The following MYLK2 variants were observed in gnomAD, a reference collection of about 807,000 sequenced individuals.
MYLK2 encodes the protein myosin light chain kinase 2, also known as myosin light chain kinase 2, skeletal/cardiac muscle.
MYLK2 carries 27 observed loss-of-function variants against 58.2 expected under a neutral mutation model. That is an observed-to-expected ratio of 0.46 (90% CI 0.34 to 0.64). The LOEUF (loss-of-function observed/expected upper bound fraction) is 0.64. MYLK2 is among the 30% of genes least tolerant of loss of function. MYLK2 has a pLI of 0.01. For synonymous variants in MYLK2, 310 were observed against 296.7 expected (o/e 1.04, Z -0.46); for missense variants, 676 against 764.3 (o/e 0.88, Z 1.36).
At chr20:31,828,341 C>T (rs918410046) in intron 8 of MYLK2, 25 of 985,158 alleles carry the variant, frequency 2.5e-5, no homozygotes, top group Non-Finnish European at 2.9e-5. Context: ...CGTTAAGTGG[C>T]GGGACATGGA....
Position 31,821,611 on chromosome 20 carries a change from G to A in MYLK2, c.646G>A (p.Gly216Ser), listed in dbSNP as rs2062252546. The change falls in exon 4 of 13, where the codon GGC (glycine) becomes AGC (serine). Residue 216 changes from glycine to serine, a missense_variant. Physicochemically the swap from Gly to Ser is moderately conservative, Grantham distance 56. Transcript: ENST00000375985. ...EVGEKTPGQA[G>S]QAKMQGDTSR... ...GGGAGAGAAAACCCCAGGCCAGGCT[G>A]GCCAGGCTAAGATGCAAGGGGACAC... 1 of 1,614,126 alleles carries A rather than the reference G, an allele frequency of 6.2e-7. No homozygotes were observed. Among genetic ancestry groups the A allele is most frequent in the Non-Finnish European group, 8.5e-7 (1 of 1,180,046 alleles).
At chr20:31,822,620 G>A (rs1001400082) in intron 4 of MYLK2, among the ~76,000 whole-genome samples, 4 of 152,104 alleles carry the variant, frequency 2.6e-5, no homozygotes, top group Non-Finnish European at 1.5e-5. Flanking sequence ...GGTGGGGTGA[G>A]ATGGGGTCAG....
At chr20:31,821,850 T>C (rs1171461209) in intron 4 of MYLK2, 113 bp downstream of exon 4, 3 of 979,956 alleles carry the variant, frequency 3.1e-6, no homozygotes, top group Non-Finnish European at 4.5e-6. Flanking sequence ...AGCCAAGCCT[T>C]ACCCAGGCCC....
chr20:31,819,818 C>T (rs556985947), intron 2 of MYLK2, among the ~76,000 whole-genome samples, 186 bp downstream of exon 2: 6 of 152,174 alleles, frequency 3.9e-5, no homozygotes, highest in African/African-American at 1.4e-4. Flanking sequence ...TGAAGCCCTT[C>T]CTGGAGAGAC....
chr20:31,827,560 C>T lies in MYLK2; in HGVS notation c.1224+622C>T, dbSNP rs556121671. 3 of 984,672 alleles carry T rather than the reference C, an allele frequency of 3.0e-6. No homozygotes were observed. In the Admixed American group the frequency reaches 1.8e-4, roughly 61 times the overall value. 61.0% of individuals were successfully genotyped at this position (984,672 alleles called of 1,614,324 possible). A position where few individuals can be genotyped will look rare whatever the true frequency, so the allele number is the denominator to read the frequency against. On this transcript the variant is annotated intron_variant, in intron 8 of 12. Coordinates refer to ENST00000375985, the MANE Select transcript of MYLK2 (RefSeq NM_033118.4). ...TTGAGATAGAGTCTCACTCTGTTGC[C>T]CAGGCTGGAGTGCAGTGGCGCTATC...
In MYLK2 at chr20:31,820,413, G is replaced by A. The variant is rs727503303; in HGVS notation, c.340G>A (p.Glu114Lys). 1.5e-5 allele frequency: 24 copies of A among 1,612,900 alleles called. 1 individual carries two copies. The African/African-American group carries it at 2.1e-4, about 14-fold the overall frequency. ...PETSVKKPKA[E>K]QGASGSQDPG... ...GACCAGCGTCAAGAAGCCCAAGGCTGAGCAGGGAGCCTCAGGCAGCCAGGA... is the reference window on the plus strand; with the variant it reads ...GACCAGCGTCAAGAAGCCCAAGGCTAAGCAGGGAGCCTCAGGCAGCCAGGA... Residue 114 changes from glutamate (E) to lysine (K), a missense_variant, in exon 3 of 13, where the codon GAG (glutamate) becomes AAG (lysine). Coordinates refer to ENST00000375985, the MANE Select transcript of MYLK2 (RefSeq NM_033118.4).
At chr20:31,821,100 C>CA (rs112516875) in intron 3 of MYLK2, among the ~76,000 whole-genome samples, 13,364 of 152,198 alleles carry the variant, frequency 0.088, 664 homozygotes, top group African/African-American at 0.14. Flanking sequence ...TTGTAAGCCA[C>CA]AATAAGAACA....
chr20:31,823,621 G>T, intron 5 of MYLK2, 39 bp downstream of exon 5: 1 of 1,582,806 alleles, frequency 6.3e-7, no homozygotes, highest in South Asian at 1.1e-5. Flanking sequence ...CATGGACAGA[G>T]AGTACACCGG....
In MYLK2 at chr20:31,819,469, C is replaced by T. The variant is rs956858345; in HGVS notation, c.-49+41C>T. The T allele has an allele frequency of 9.1e-6, 13 of 1,424,402 alleles. 1 individual carries two copies. In the South Asian group the frequency reaches 1.6e-4, roughly 18 times the overall value. The allele number at this position is 1,424,402 out of a possible 1,614,324, so 88.2% of individuals were successfully genotyped here. A position where few individuals can be genotyped will look rare whatever the true frequency, so the allele number is the denominator to read the frequency against. On this transcript the variant is annotated intron_variant, in intron 1 of 12. Coordinates refer to ENST00000375985, the MANE Select transcript of MYLK2 (RefSeq NM_033118.4). ...CAGTTAGCAGGCCTCGGCTTCCTGT[C>T]TCACTGCAGCCAGACGAGAGGGGAA... is the stretch of plus-strand genomic sequence containing the variant.
intron 4 of MYLK2, among the ~76,000 whole-genome samples, chr20:31,822,689 C>T (rs1239579814): frequency 1.3e-5 from 2 of 152,088 alleles, no homozygotes; most frequent in Non-Finnish European, 2.9e-5. Context: ...CTGGGAGACC[C>T]GCCAGCCTGC....
chr20:31,828,609 G>C, intron 8 of MYLK2: 1 of 985,436 alleles, frequency 1.0e-6, no homozygotes, highest in Non-Finnish European at 1.2e-6. Flanking sequence ...AAAAGTGTTT[G>C]AGAAAATACA....
chr20:31,832,401 C>G (rs534620318), intron 12 of MYLK2, among the ~76,000 whole-genome samples: 1 of 152,372 alleles, frequency 6.6e-6, no homozygotes, highest in African/African-American at 2.4e-5. Context: ...TGAGCATCTA[C>G]TACTTCTAGG....
In MYLK2 at chr20:31,821,422, G is replaced by A; in HGVS notation, c.474-17G>A. On this transcript the variant is annotated splice_polypyrimidine_tract_variant and intron_variant, in intron 3 of 12. Coordinates refer to ENST00000375985, the MANE Select transcript of MYLK2 (RefSeq NM_033118.4). ...TGTGGCCGCTGAGGGCTTCACCTCT[G>A]TGTTCTCACCTTCTAGTTCTGAGAA... The A allele has an allele frequency of 6.2e-7, 1 of 1,612,664 alleles. No individual in the cohort carries two copies. The highest frequency in any genetic ancestry group is 8.5e-7 in the Non-Finnish European group (1 of 1,180,014).
At chr20:31,827,390 G>A (rs1006072835) in intron 8 of MYLK2, 2 of 985,196 alleles carry the variant, frequency 2.0e-6, no homozygotes, top group African/African-American at 3.5e-5. Flanking sequence ...TCTAGGTGGT[G>A]GAGATCCTGT....
intron 12 of MYLK2, 117 bp from the exon 13 acceptor site, chr20:31,833,600 C>A: frequency 1.1e-6 from 1 of 937,280 alleles, no homozygotes; most frequent in Non-Finnish European, 1.7e-6. Context: ...TTGGGCACTG[C>A]ACCTTCTCTA....
At chr20:31,830,188 C>T (rs1218845246) in intron 8 of MYLK2, among the ~76,000 whole-genome samples, 2 of 152,156 alleles carry the variant, frequency 1.3e-5, no homozygotes, top group Non-Finnish European at 2.9e-5. Flanking sequence ...AATAGTATCT[C>T]AATGTCACAG....
chr20:31,833,306 C>T (rs1453102517), intron 12 of MYLK2, among the ~76,000 whole-genome samples: 1 of 151,968 alleles, frequency 6.6e-6, no homozygotes, highest in Non-Finnish European at 1.5e-5. Context: ...GTGCAAAGGC[C>T]CTGAGGCAGA....
rs374233822 is a variant in MYLK2 at position 31,832,016 on chromosome 20, C to T, written c.1590C>T (p.Asn530=). The T allele has an allele frequency of 2.5e-4, 409 of 1,609,536 alleles. No individual in the cohort carries two copies. Among genetic ancestry groups the T allele is most frequent in the Non-Finnish European group, 3.3e-4 (383 of 1,177,836 alleles). ...GCCTCTCCCCCAGGGCCCGGATGAACGCTGCCCAGTGTCTCGCCCATCCCT... is the reference window on the plus strand; with the variant it reads ...GCCTCTCCCCCAGGGCCCGGATGAATGCTGCCCAGTGTCTCGCCCATCCCT... ...LIVKDQRARM[N]AAQCLAHPWL... is the part of the protein sequence containing the mutation. The change falls in exon 12 of 13, where the codon AAC becomes AAT. Residue 530 remains asparagine (N), a synonymous_variant. Transcript: ENST00000375985.
At chr20:31,833,367 T>G (rs1407426315) in intron 12 of MYLK2, among the ~76,000 whole-genome samples, 1 of 150,798 alleles carries the variant, frequency 6.6e-6, no homozygotes, top group Non-Finnish European at 1.5e-5. Context: ...ATGGATGGAG[T>G]GGAGTGAGCA....
Sources: gnomAD v4.1 joint callset for allele counts (sites outside exome capture counted in the v4.1 genomes callset) on GRCh38, gnomAD v4.1.1 for gene constraint, MANE v1.5 for transcripts, NCBI Gene and HGNC (gene_info 2026-07-23, HGNC 2026-07-21) for gene names.